The following DOCK3 variants were observed in gnomAD, a reference collection of about 807,000 sequenced individuals.
The protein encoded by DOCK3 is dedicator of cytokinesis protein 3.
Under a neutral mutation model 265.6 loss-of-function variants are expected in DOCK3, and 60 were observed. The ratio of observed to expected loss-of-function variants is 0.23; its 90% CI spans 0.18 to 0.28. The LOEUF is 0.28. Among genes scored for constraint, DOCK3 ranks in the 10% least tolerant of loss-of-function variants. DOCK3 has a pLI of 1.00. For missense variants in DOCK3, 1,981 were observed against 2,594.3 expected (o/e 0.76, Z 5.14); for synonymous variants, 881 against 938.0 (o/e 0.94, Z 1.11).
intron 25 of DOCK3, among the ~76,000 whole-genome samples, chr3:51,276,046 A>T (rs1048209228): frequency 6.6e-6 from 1 of 152,236 alleles, no homozygotes; most frequent in Non-Finnish European, 1.5e-5. Context: ...TTTCACATGC[A>T]TTTAAAATGA....
Position 51,381,506 on chromosome 3 carries a change from G to C in DOCK3, c.6040G>C (p.Ala2014Pro). The part of the protein sequence containing the change: ...HRKAPLPPGS[A>P]KEEQARMAWE... ...CAAGGCTCCATTGCCTCCTGGGAGC[G>C]CTAAGGAGGAGCAGGCCCGCATGGC... Residue 2014 changes from alanine to proline, a missense_variant, in exon 53 of 53, where the codon GCT becomes CCT. Coordinates refer to ENST00000266037, the MANE Select transcript of DOCK3 (RefSeq NM_004947.5). The surrounding 1 kb of genome is among the most constrained non-coding windows in gnomAD (Gnocchi z 5.6). The C allele has an allele frequency of 1.9e-6, 3 of 1,580,380 alleles. No individual in the cohort carries two copies. Among genetic ancestry groups the C allele is most frequent in the Non-Finnish European group, 2.6e-6 (3 of 1,164,312 alleles).
At chr3:50,905,768 T>G (rs1575495016) in intron 4 of DOCK3, among the ~76,000 whole-genome samples, 2 of 152,114 alleles carry the variant, frequency 1.3e-5, no homozygotes, top group East Asian at 3.8e-4. Context: ...TTCTCCTGCC[T>G]GATTGCCCTG....
At chr3:51,371,692 C>G (rs2087690866) in intron 49 of DOCK3, among the ~76,000 whole-genome samples, 1 of 152,238 alleles carries the variant, frequency 6.6e-6, no homozygotes, top group African/African-American at 2.4e-5. Context: ...GTTACTTCCC[C>G]CACTCCCAAG....
intron 22 of DOCK3, among the ~76,000 whole-genome samples, chr3:51,251,453 T>A (rs1007463413): frequency 6.6e-6 from 1 of 152,254 alleles, no homozygotes; most frequent in Admixed American, 6.5e-5. Context: ...CACTGTCTTT[T>A]CCACAATGGT....
In DOCK3 at chr3:50,707,476, A is replaced by G. The variant is rs547031740; in HGVS notation, c.37+32176A>G. Among the ~76,000 whole-genome samples, 7 of 151,748 alleles carry G rather than the reference A, an allele frequency of 4.6e-5. No individual in the cohort carries two copies. The East Asian group carries it at 1.4e-3, about 29-fold the overall frequency. ...ATTACCCAGTCCTTGGTATTTCTTC[A>G]TAGGAATGCAAGAATAGCCTAATAC... On this transcript the variant is annotated intron_variant, in intron 1 of 52. Transcript: ENST00000266037.
intron 1 of DOCK3, among the ~76,000 whole-genome samples, chr3:50,710,029 A>G (rs2036653961): frequency 6.6e-6 from 1 of 152,190 alleles, no homozygotes; most frequent in Non-Finnish European, 1.5e-5. Flanking sequence ...CAAGACTCCC[A>G]TCTCTTAAAA....
intron 24 of DOCK3, among the ~76,000 whole-genome samples, chr3:51,273,876 G>T (rs757224125): frequency 6.6e-6 from 1 of 152,204 alleles, no homozygotes; most frequent in African/African-American, 2.4e-5. Flanking sequence ...CACTGACCAC[G>T]TAGGAATACA....
intron 9 of DOCK3, among the ~76,000 whole-genome samples, chr3:51,119,566 A>G (rs970767249): frequency 1.3e-5 from 2 of 152,200 alleles, no homozygotes; most frequent in East Asian, 3.9e-4. Flanking sequence ...GTGTTTTCCA[A>G]CATGGTTCCA....
intron 22 of DOCK3, among the ~76,000 whole-genome samples, chr3:51,247,497 CTTTA>C (rs2108578320): frequency 6.6e-6 from 1 of 152,328 alleles, no homozygotes; most frequent in East Asian, 1.9e-4. Flanking sequence ...AACAGTTTTG[CTTTA>C]TTTCTGTCCT....
At chr3:51,126,267 A>G (rs771762749) in intron 9 of DOCK3, among the ~76,000 whole-genome samples, 1 of 152,190 alleles carries the variant, frequency 6.6e-6, no homozygotes, top group South Asian at 2.1e-4. Context: ...CAAAGGGCCT[A>G]TGTAGGAAAG....
intron 5 of DOCK3, among the ~76,000 whole-genome samples, chr3:50,943,421 C>T (rs961931892): frequency 2.6e-5 from 4 of 151,740 alleles, no homozygotes; most frequent in African/African-American, 4.8e-5. Flanking sequence ...TTAAATAGTA[C>T]GTTATATAAT....
intron 4 of DOCK3, among the ~76,000 whole-genome samples, chr3:50,918,581 T>G (rs2050261260): frequency 6.6e-6 from 1 of 152,034 alleles, no homozygotes; most frequent in Non-Finnish European, 1.5e-5. Flanking sequence ...TCTGTTCATA[T>G]CCTTTGCCCA....
At chr3:51,031,071 C>A (rs1461839880) in intron 5 of DOCK3, among the ~76,000 whole-genome samples, 1 of 152,156 alleles carries the variant, frequency 6.6e-6, no homozygotes, top group Non-Finnish European at 1.5e-5. Flanking sequence ...GAACTTTGGG[C>A]GGCTGGAAAC....
chr3:51,269,763 CA>C (rs2080398731), intron 23 of DOCK3, among the ~76,000 whole-genome samples: 1 of 152,160 alleles, frequency 6.6e-6, no homozygotes, highest in African/African-American at 2.4e-5. Context: ...TCCACTTAGA[CA>C]AGAGAAAATA....
chr3:51,167,022 A>G (rs1374919416), intron 12 of DOCK3, among the ~76,000 whole-genome samples: 1 of 152,182 alleles, frequency 6.6e-6, no homozygotes, highest in African/African-American at 2.4e-5. Context: ...TCATATCTCA[A>G]AAAATCACTG....
intron 21 of DOCK3, among the ~76,000 whole-genome samples, chr3:51,239,574 G>GTTTTTGTTT (rs2078512500): frequency 6.8e-6 from 1 of 146,634 alleles, no homozygotes; most frequent in Admixed American, 6.7e-5. Flanking sequence ...TTGTTTGTTT[G>GTTTTTGTTT]TTTTTTGTTT....
intron 12 of DOCK3, among the ~76,000 whole-genome samples, chr3:51,198,375 C>A: frequency 6.6e-6 from 1 of 152,116 alleles, no homozygotes; most frequent in Admixed American, 6.5e-5. Context: ...TGACAAAACC[C>A]AGCAGGGAAG....
chr3:50,906,009 T>C lies in DOCK3; in HGVS notation c.218+15928T>C, dbSNP rs2107858266. On this transcript the variant is annotated intron_variant, in intron 4 of 52. Coordinates refer to ENST00000266037, the MANE Select transcript of DOCK3 (RefSeq NM_004947.5). The stretch of plus-strand genomic sequence containing the variant: ...TTTTGTCAAAGGCCTTTTCTGCATC[T>C]ATTGAGATAATCATGTGGTTTTTGT... Among the ~76,000 whole-genome samples the C allele has an allele frequency of 1.3e-5, 2 of 152,228 alleles. 1 individual carries two copies. The highest frequency in any genetic ancestry group is 6.8e-3 in the Middle Eastern group (2 of 294).
intron 49 of DOCK3, among the ~76,000 whole-genome samples, chr3:51,365,131 T>C (rs1473358986): frequency 4.6e-5 from 7 of 152,224 alleles, no homozygotes; most frequent in Non-Finnish European, 1.5e-5. Context: ...ATGTTGGAAC[T>C]TCCATTTGTT....
Sources: gnomAD v4.1 joint callset for allele counts (sites outside exome capture counted in the v4.1 genomes callset) on GRCh38, gnomAD v4.1.1 for gene constraint, Gnocchi (gnomAD v3.1) non-coding constraint, MANE v1.5 for transcripts, NCBI Gene and HGNC (gene_info 2026-07-23, HGNC 2026-07-21) for gene names.